AGT: variants seen among roughly 807,000 people sequenced by gnomAD.
AGT encodes alpha-1 antiproteinase, antitrypsin.
In AGT, 26 loss-of-function variants were observed where a neutral mutation model predicts 28.1. The ratio of observed to expected loss-of-function variants is 0.92; its 90% CI spans 0.68 to 1.28. AGT has a LOEUF of 1.28. Ranked by LOEUF, AGT falls within the 50% of genes most tolerant of loss-of-function variation. The probability of loss-of-function intolerance (pLI) is 0.00; values close to 1 mark genes in which losing one functional copy is unlikely to be tolerated. For missense variants in AGT, 596 were observed against 592.3 expected, an observed-to-expected ratio of 1.01 and a Z score of -0.06; for synonymous variants, 259 against 259.6, an observed-to-expected ratio of 1.00 and a Z score of 0.02.
intron 2 of AGT, among the ~76,000 whole-genome samples, 171 bp downstream of exon 2, chr1:230,709,824 C>T (rs540646820): frequency 2.6e-5 from 4 of 152,216 alleles, no homozygotes; most frequent in Admixed American, 6.5e-5. Context: ...AGGAGGTGGA[C>T]GGCCCATCCA....
intron 4 of AGT, among the ~76,000 whole-genome samples, chr1:230,703,826 T>A (rs570075350): frequency 2.1e-4 from 32 of 152,352 alleles, no homozygotes; most frequent in African/African-American, 7.2e-4. Flanking sequence ...TGTCTGCTGC[T>A]CAGCATTTCC....
At chr1:230,711,919 A>AAGGCCTTGCAGCTG (rs1663602870) in intron 1 of AGT, among the ~76,000 whole-genome samples, 1 of 151,988 alleles carries the variant, frequency 6.6e-6, no homozygotes, top group African/African-American at 2.4e-5. Flanking sequence ...CGTTCTCTCA[A>AAGGCCTTGCAGCTG]AGGCCTTGCA....
intron 2 of AGT, among the ~76,000 whole-genome samples, chr1:230,707,885 C>A (rs1469309177): frequency 6.6e-6 from 1 of 152,184 alleles, no homozygotes; most frequent in Non-Finnish European, 1.5e-5. Context: ...GTCATGGAAA[C>A]CACCAGGGCC....
chr1:230,715,566 G>A (rs1663716172), upstream of AGT, among the ~76,000 whole-genome samples: 1 of 152,174 alleles, frequency 6.6e-6, no homozygotes, highest in African/African-American at 2.4e-5. Flanking sequence ...ACCATTCAAA[G>A]TGCTCCTGCC....
At chr1:230,709,676 G>A (rs1663513595) in intron 2 of AGT, among the ~76,000 whole-genome samples, 1 of 152,154 alleles carries the variant, frequency 6.6e-6, no homozygotes, top group African/African-American at 2.4e-5. Context: ...TCTTGAGCAA[G>A]GCACTTTGTT....
At chr1:230,713,182 TTGTC>T (rs552771627) in intron 1 of AGT, among the ~76,000 whole-genome samples, 158 of 152,284 alleles carry the variant, frequency 1.0e-3, no homozygotes, top group African/African-American at 3.6e-3. Flanking sequence ...TCCAGCGTCT[TTGTC>T]TGTTTGCTCT....
intron 1 of AGT, among the ~76,000 whole-genome samples, chr1:230,720,129 A>G (rs1334164855): frequency 6.6e-6 from 1 of 152,170 alleles, no homozygotes; most frequent in African/African-American, 2.4e-5. Flanking sequence ...CAGGGGTCCC[A>G]TGAGAAAATT....
chr1:230,710,922 C>T (rs1663572889), intron 1 of AGT, 69 bp from the exon 2 acceptor site: 1 of 1,545,372 alleles, frequency 6.5e-7, no homozygotes, highest in Non-Finnish European at 8.8e-7. Context: ...CTAACCAGAT[C>T]TTTCATTGTC....
At position 230,710,185 on chromosome 1, in the gene AGT, C is replaced by T. The variant is rs775278705; in HGVS notation, c.639G>A (p.Pro213=). 14 of 1,613,904 alleles carry T rather than the reference C, an allele frequency of 8.7e-6. No individual in the cohort carries two copies. Among genetic ancestry groups the T allele is most frequent in the Admixed American group, 1.7e-5 (1 of 60,018 alleles). The change falls in exon 2 of 5, where the codon CCG becomes CCA. Residue 213 remains proline, a synonymous_variant. Coordinates refer to ENST00000366667, the MANE Select transcript of AGT (RefSeq NM_001384479.1). ...FTAPGLHLKQ[P]FVQGLALYTP... Reference sequence around the variant, plus strand: ...TATAGAGAGCCAGGCCCTGCACAAACGGCTGCTTCAGGTGCAGGCCTGGGG... The same window carrying T: ...TATAGAGAGCCAGGCCCTGCACAAATGGCTGCTTCAGGTGCAGGCCTGGGG...
intron 1 of AGT, among the ~76,000 whole-genome samples, chr1:230,730,790 C>T (rs1354658931): frequency 1.3e-5 from 2 of 152,106 alleles, no homozygotes; most frequent in African/African-American, 2.4e-5. Context: ...CAACAGTGCC[C>T]ACAGCTGTTG....
chr1:230,704,162 A>G, intron 4 of AGT, 31 bp downstream of exon 4: 1 of 1,614,174 alleles, frequency 6.2e-7, no homozygotes, highest in Admixed American at 1.7e-5. Flanking sequence ...CTTGGAACCC[A>G]GGTCAGGCAC....
chr1:230,740,094 C>T (rs547443870), intron 1 of AGT, among the ~76,000 whole-genome samples: 6 of 152,296 alleles, frequency 3.9e-5, no homozygotes, highest in African/African-American at 1.4e-4. Flanking sequence ...TTCCCTGAAA[C>T]AAGGCTTCCT....
intron 1 of AGT, among the ~76,000 whole-genome samples, chr1:230,713,245 A>G (rs1238027695): frequency 1.3e-5 from 2 of 152,120 alleles, no homozygotes; most frequent in Non-Finnish European, 2.9e-5. Flanking sequence ...GTGTTTACTA[A>G]TACAGCCCAC....
chr1:230,707,929 G>A (rs1345735364), intron 2 of AGT, among the ~76,000 whole-genome samples: 5 of 152,160 alleles, frequency 3.3e-5, no homozygotes, highest in Non-Finnish European at 7.3e-5. Context: ...GCAAGCACTG[G>A]GCAGACGGTA....
At chr1:230,744,642 A>G (rs1294283568) in intron 1 of AGT, among the ~76,000 whole-genome samples, 1 of 152,172 alleles carries the variant, frequency 6.6e-6, no homozygotes, top group African/African-American at 2.4e-5. Flanking sequence ...TGATGATGCA[A>G]TTCTCCAATT....
At chr1:230,719,546 T>G (rs1663805430), upstream of AGT, among the ~76,000 whole-genome samples, 1 of 152,004 alleles carries the variant, frequency 6.6e-6, no homozygotes, top group African/African-American at 2.4e-5. Context: ...GAGCTGGGAC[T>G]ACAGGTGCCC....
At chr1:230,735,582 T>C (rs954858112) in intron 1 of AGT, among the ~76,000 whole-genome samples, 4 of 152,106 alleles carry the variant, frequency 2.6e-5, no homozygotes, top group African/African-American at 9.7e-5. Context: ...GGCCCTGGGC[T>C]GACTCACCTG....
chr1:230,714,608 T>C (rs751893176), upstream of AGT, among the ~76,000 whole-genome samples: 4 of 152,072 alleles, frequency 2.6e-5, no homozygotes, highest in Non-Finnish European at 4.4e-5. Flanking sequence ...CTTCAGCTGC[T>C]CCAAAGAGCC....
intron 1 of AGT, among the ~76,000 whole-genome samples, chr1:230,737,452 C>T (rs921113961): frequency 3.3e-5 from 5 of 152,036 alleles, no homozygotes; most frequent in African/African-American, 1.2e-4. Flanking sequence ...GCTGAGAATA[C>T]AGGTGCCCAC....
Sources: gnomAD v4.1 joint callset for allele counts (sites outside exome capture counted in the v4.1 genomes callset) on GRCh38, gnomAD v4.1.1 for gene constraint, MANE v1.5 for transcripts, NCBI Gene and HGNC (gene_info 2026-07-23, HGNC 2026-07-21) for gene names.